The following SPARCL1 variants were observed in gnomAD, a reference collection of about 807,000 sequenced individuals.
SPARCL1 encodes SPARC like 1, also known as SPARC-like protein 1.
SPARCL1 carries 52 observed loss-of-function variants against 67.1 expected under a neutral mutation model. That is an observed-to-expected ratio of 0.78 (90% CI 0.62 to 0.98). The LOEUF (loss-of-function observed/expected upper bound fraction) is 0.98. Among genes scored for constraint, SPARCL1 ranks in the 50% least tolerant of loss-of-function variants. SPARCL1 has a pLI of 0.00. For synonymous variants in SPARCL1, 226 were observed against 267.8 expected (o/e 0.84, Z 1.52); for missense variants, 717 against 782.4 (o/e 0.92, Z 1.00).
intron 10 of SPARCL1, among the ~76,000 whole-genome samples, chr4:87,479,061 TTA>T: frequency 6.6e-6 from 1 of 152,282 alleles, no homozygotes; most frequent in East Asian, 1.9e-4. Flanking sequence ...TTTTTATTCT[TTA>T]TGTGTAATTT....
chr4:87,507,306 A>G (rs1423036681), intron 1 of SPARCL1, among the ~76,000 whole-genome samples: 1 of 152,234 alleles, frequency 6.6e-6, no homozygotes, highest in Non-Finnish European at 1.5e-5. Flanking sequence ...ATGCATAACT[A>G]ATTAAATTTG....
intron 1 of SPARCL1, among the ~76,000 whole-genome samples, chr4:87,517,307 A>G (rs1406868566): frequency 1.3e-5 from 2 of 152,138 alleles, no homozygotes; most frequent in African/African-American, 4.8e-5. Flanking sequence ...TGACTTTTAT[A>G]TTTTTAAAAA....
chr4:87,478,482 G>C (rs1723671139), intron 10 of SPARCL1, among the ~76,000 whole-genome samples: 1 of 149,808 alleles, frequency 6.7e-6, no homozygotes, highest in African/African-American at 2.5e-5. Flanking sequence ...CTATCACCCA[G>C]GCTGGAGTGC....
chr4:87,493,791 C>G lies in SPARCL1; in HGVS notation c.1009G>C (p.Val337Leu). 6.2e-7 allele frequency: 1 copy of G among 1,614,162 alleles called. No individual in the cohort carries two copies. Among genetic ancestry groups the G allele is most frequent in the Non-Finnish European group, 8.5e-7 (1 of 1,180,020 alleles). The change falls in exon 4 of 11, where the codon GTT (valine) becomes CTT (leucine). Residue 337 changes from valine (V) to leucine (L), a missense_variant. Val to Leu is a conservative substitution (Grantham distance 32, BLOSUM62 1). Transcript: ENST00000282470. ...DGNTTPRNHGVDDDGDDDGDD... is the reference protein window; with the variant it reads ...DGNTTPRNHGLDDDGDDDGDD... ...CCATCATCATCGCCATCATCATCAA[C>G]TCCATGATTTCTGGGCGTGGTATTA...
chr4:87,474,638 C>A (rs865785821), intron 10 of SPARCL1, among the ~76,000 whole-genome samples: 6 of 151,952 alleles, frequency 3.9e-5, no homozygotes, highest in Middle Eastern at 6.8e-3. Flanking sequence ...TCCACCTTTC[C>A]TTTTTTACTA....
Position 87,493,730 on chromosome 4 carries a change from G to A in SPARCL1, c.1070C>T (p.Ala357Val). The change falls in exon 4 of 11, where the codon GCA (alanine) becomes GTA (valine). Residue 357 changes from alanine to valine, a missense_variant. Transcript: ENST00000282470. ...DGGTDGPRHSASDDYFIPSQA... is the reference protein window; with the variant it reads ...DGGTDGPRHSVSDDYFIPSQA... ...GCTTGGGATGAAGTAGTCATCACTTGCACTGTGCCTGGGGCCATCAGTGCC... is the reference window on the plus strand; with the variant it reads ...GCTTGGGATGAAGTAGTCATCACTTACACTGTGCCTGGGGCCATCAGTGCC... 1 of 1,614,106 alleles carries A rather than the reference G, an allele frequency of 6.2e-7. No homozygotes were observed. Among genetic ancestry groups the A allele is most frequent in the Non-Finnish European group, 8.5e-7 (1 of 1,180,016 alleles).
chr4:87,516,734 G>C (rs952803421), intron 1 of SPARCL1, among the ~76,000 whole-genome samples: 1 of 152,168 alleles, frequency 6.6e-6, no homozygotes, highest in Non-Finnish European at 1.5e-5. Flanking sequence ...TTTCTTTCTT[G>C]CTCAGGCGAA....
chr4:87,499,713 A>G lies in SPARCL1; in HGVS notation c.-11-128T>C. 3 of 727,832 alleles carry G rather than the reference A, an allele frequency of 4.1e-6. No individual in the cohort carries two copies. In the South Asian group the frequency reaches 4.9e-5, roughly 12 times the overall value. The allele number at this position is 727,832 out of a possible 1,614,324, so 45.1% of individuals were successfully genotyped here. A position where few individuals can be genotyped will look rare whatever the true frequency, so the allele number is the denominator to read the frequency against. ...ATAAAAGTGATTTCTATCTTTGTGG[A>G]TTAATATGTCTGAAAAGACAGATTG... On this transcript the variant is annotated intron_variant, in intron 1 of 10. Transcript: ENST00000282470.
chr4:87,516,747 T>G (rs1254811819), intron 1 of SPARCL1, among the ~76,000 whole-genome samples: 1 of 152,238 alleles, frequency 6.6e-6, no homozygotes, highest in African/African-American at 2.4e-5. Flanking sequence ...CAGGCGAAAC[T>G]AGTCCATTCC....
At chr4:87,513,456 TA>T (rs1488604408) in intron 1 of SPARCL1, among the ~76,000 whole-genome samples, 1 of 152,186 alleles carries the variant, frequency 6.6e-6, no homozygotes, top group African/African-American at 2.4e-5. Context: ...TACTAAATAC[TA>T]CCTTGAACAA....
At chr4:87,494,847 G>T in intron 3 of SPARCL1, 134 bp downstream of exon 3, 3 of 804,392 alleles carry the variant, frequency 3.7e-6, no homozygotes, top group Non-Finnish European at 5.7e-6. Flanking sequence ...GTGATTGGAG[G>T]CAGTTGAGGT....
intron 1 of SPARCL1, among the ~76,000 whole-genome samples, chr4:87,500,563 C>T (rs573105752): frequency 2.6e-5 from 4 of 152,078 alleles, no homozygotes; most frequent in East Asian, 3.9e-4. Context: ...TTTTATGGAT[C>T]GCCCAGAAAT....
chr4:87,487,538 T>C (rs1173662402), intron 7 of SPARCL1, among the ~76,000 whole-genome samples: 1 of 152,220 alleles, frequency 6.6e-6, no homozygotes, highest in African/African-American at 2.4e-5. Flanking sequence ...TTTTCCTTCA[T>C]TTCAACCTTG....
At chr4:87,518,895 G>A (rs1725690444) in intron 1 of SPARCL1, among the ~76,000 whole-genome samples, 1 of 152,180 alleles carries the variant, frequency 6.6e-6, no homozygotes, top group South Asian at 2.1e-4. Context: ...CCAGTAAAAG[G>A]TTGGGAGGAT....
intron 1 of SPARCL1, among the ~76,000 whole-genome samples, chr4:87,501,137 A>G (rs1724827685): frequency 6.6e-6 from 1 of 152,202 alleles, no homozygotes; most frequent in African/African-American, 2.4e-5. Context: ...CAACCCCGTA[A>G]GGAAATCCCT....
chr4:87,520,030 A>G (rs1475516158), intron 1 of SPARCL1, among the ~76,000 whole-genome samples: 1 of 152,126 alleles, frequency 6.6e-6, no homozygotes, highest in Non-Finnish European at 1.5e-5. Context: ...ACTTGAGGCC[A>G]GAAGTTCAAG....
intron 1 of SPARCL1, among the ~76,000 whole-genome samples, chr4:87,522,557 C>T (rs959970218): frequency 1.3e-5 from 2 of 151,850 alleles, no homozygotes; most frequent in East Asian, 3.9e-4. Flanking sequence ...GCCACGATCC[C>T]TCTTGCTCCA....
intron 1 of SPARCL1, among the ~76,000 whole-genome samples, chr4:87,522,878 C>G (rs1046204762): frequency 6.6e-6 from 1 of 151,930 alleles, no homozygotes; most frequent in South Asian, 2.1e-4. Flanking sequence ...CAAATCCTGC[C>G]GTAAAAAAGA....
At chr4:87,486,156 C>T (rs992445540) in intron 7 of SPARCL1, among the ~76,000 whole-genome samples, 46 of 151,792 alleles carry the variant, frequency 3.0e-4, no homozygotes, top group Middle Eastern at 3.4e-3. Context: ...AATTGTGGTG[C>T]TAGGGTGTCA....
Sources: allele counts gnomAD v4.1 joint callset (sites outside exome capture counted in the v4.1 genomes callset), GRCh38; gene constraint gnomAD v4.1.1; transcripts MANE v1.5; gene names NCBI Gene and HGNC (gene_info 2026-07-23, HGNC 2026-07-21).